Variants in XXYLT1 observed in about 807,000 individuals in gnomAD.
XXYLT1 encodes the protein UDP-xylose:alpha-xyloside alpha-1,3-xylosyltransferase.
A neutral mutation model predicts 28.9 loss-of-function variants in XXYLT1; 20 were observed. The ratio of observed to expected loss-of-function variants is 0.69; its 90% CI spans 0.49 to 1.00. XXYLT1 has a LOEUF of 1.00. XXYLT1 is among the 50% of genes least tolerant of loss of function. The pLI is 0.00. For missense variants in XXYLT1, 542 were observed against 560.1 expected (o/e 0.97, Z 0.33); for synonymous variants, 257 against 253.8 (o/e 1.01, Z -0.12).
intron 3 of XXYLT1, among the ~76,000 whole-genome samples, chr3:195,153,519 G>A (rs1405642219): frequency 3.3e-5 from 5 of 152,160 alleles, no homozygotes; most frequent in Non-Finnish European, 4.4e-5. Context: ...CCCTGCAAAC[G>A]CCATTCTTCA....
intron 2 of XXYLT1, among the ~76,000 whole-genome samples, chr3:195,205,730 G>A (rs902036784): frequency 3.3e-5 from 5 of 152,170 alleles, no homozygotes; most frequent in African/African-American, 4.8e-5. Context: ...AAATGTGGTG[G>A]CAGGCGACTG....
intron 2 of XXYLT1, among the ~76,000 whole-genome samples, chr3:195,159,605 AAAGGTGTAGCTTT>A (rs1484842155): frequency 6.6e-6 from 1 of 152,194 alleles, no homozygotes; most frequent in Admixed American, 6.5e-5. Context: ...AGTACAAGCT[AAAGGTGTAGCTTT>A]CAACACCTCC....
intron 1 of XXYLT1, chr3:195,259,749 T>C (rs981437083): frequency 2.3e-6 from 2 of 882,320 alleles, no homozygotes; most frequent in African/African-American, 1.8e-5. Context: ...CTCGGGTCTT[T>C]TGCCAAATTC....
chr3:195,256,519 G>C lies in XXYLT1; in HGVS notation c.504+14036C>G. On this transcript the variant is annotated intron_variant, in intron 1 of 3. Coordinates refer to ENST00000310380, the MANE Select transcript of XXYLT1 (RefSeq NM_152531.5). The surrounding 1 kb of genome is among the most constrained non-coding windows in gnomAD (Gnocchi z 4.2). ...GGAAGCCTCACCTAGGGTCATTCCA[G>C]GGATTATCCCAGAAAGAGGGGAAGA... The C allele has an allele frequency of 1.0e-6, 1 of 985,386 alleles. No individual in the cohort carries two copies. Among genetic ancestry groups the C allele is most frequent in the East Asian group, 1.1e-4 (1 of 8,806 alleles). 61.0% of individuals were successfully genotyped at this position (985,386 alleles called of 1,614,324 possible).
chr3:195,088,510 C>T (rs1453046030), intron 3 of XXYLT1, among the ~76,000 whole-genome samples: 5 of 133,372 alleles, frequency 3.7e-5, no homozygotes, highest in East Asian at 2.4e-4. Flanking sequence ...GACATCCACA[C>T]CAAAAACCCA....
intron 2 of XXYLT1, among the ~76,000 whole-genome samples, chr3:195,199,000 A>C (rs969453082): frequency 1.3e-5 from 2 of 152,222 alleles, no homozygotes; most frequent in African/African-American, 4.8e-5. Context: ...AAACCTCTAT[A>C]ATAATCAGCT....
chr3:195,083,042 T>A (rs938195727), intron 3 of XXYLT1, among the ~76,000 whole-genome samples: 10 of 151,748 alleles, frequency 6.6e-5, no homozygotes, highest in Non-Finnish European at 1.5e-4. Context: ...AGCCCCTGAC[T>A]CTGTGACAAC....
intron 1 of XXYLT1, among the ~76,000 whole-genome samples, chr3:195,269,444 A>G (rs1252407067): frequency 6.6e-6 from 1 of 152,228 alleles, no homozygotes; most frequent in African/African-American, 2.4e-5. Flanking sequence ...CTGTGGGCAG[A>G]CAGTACAGCA....
chr3:195,099,102 CA>C lies in XXYLT1; in HGVS notation c.786-28992del, dbSNP rs561271212. Among the ~76,000 whole-genome samples, 624 of 152,244 alleles carry C rather than the reference CA, an allele frequency of 4.1e-3. 4 individuals carry two copies. Among genetic ancestry groups the C allele is most frequent in the Non-Finnish European group, 6.3e-3 (427 of 68,016 alleles). The stretch of plus-strand genomic sequence containing the variant: ...ACGGTGTAATTAACGTGGAATGTAC[CA>C]GGGGAACCGAGGACATGGCAGACAG... On this transcript the variant is annotated intron_variant, in intron 3 of 3. Transcript: ENST00000310380.
chr3:195,151,525 G>C (rs1720250600), intron 3 of XXYLT1, among the ~76,000 whole-genome samples: 1 of 151,454 alleles, frequency 6.6e-6, no homozygotes. Context: ...GAGAGACTCT[G>C]TCTTTAAAAA....
chr3:195,163,057 T>C (rs1156679244), intron 2 of XXYLT1, among the ~76,000 whole-genome samples: 2 of 152,216 alleles, frequency 1.3e-5, no homozygotes, highest in Admixed American at 6.5e-5. Context: ...ATCTGGACTC[T>C]GTTCACAACA....
chr3:195,197,924 C>T (rs1426026229), intron 2 of XXYLT1, among the ~76,000 whole-genome samples: 7 of 152,254 alleles, frequency 4.6e-5, no homozygotes, highest in Admixed American at 3.9e-4. Flanking sequence ...GCTCTACTGG[C>T]CTCACCCACC....
intron 2 of XXYLT1, among the ~76,000 whole-genome samples, chr3:195,162,316 G>A (rs1012863512): frequency 2.6e-5 from 4 of 152,090 alleles, no homozygotes; most frequent in African/African-American, 9.7e-5. Flanking sequence ...CAGACAGGAA[G>A]GCCTTGACTC....
chr3:195,140,236 G>A (rs184311993), intron 3 of XXYLT1, among the ~76,000 whole-genome samples: 1 of 152,296 alleles, frequency 6.6e-6, no homozygotes, highest in East Asian at 1.9e-4. Flanking sequence ...ATGGAATTAT[G>A]GCCAAATCCC....
chr3:195,164,976 T>G (rs1721045128), intron 2 of XXYLT1, among the ~76,000 whole-genome samples: 1 of 151,164 alleles, frequency 6.6e-6, no homozygotes, highest in African/African-American at 2.4e-5. Flanking sequence ...AAGGGGAGAG[T>G]CTGTATTTCC....
chr3:195,142,366 T>C (rs1437303690), intron 3 of XXYLT1, among the ~76,000 whole-genome samples: 2 of 152,248 alleles, frequency 1.3e-5, no homozygotes, highest in Non-Finnish European at 2.9e-5. Flanking sequence ...CAGGGTCTCA[T>C]TCAGACTGCT....
At chr3:195,216,478 A>G (rs1410036362) in intron 2 of XXYLT1, among the ~76,000 whole-genome samples, 1 of 150,644 alleles carries the variant, frequency 6.6e-6, no homozygotes, top group Non-Finnish European at 1.5e-5. Flanking sequence ...GATAAAGGGG[A>G]TATCACCACC....
Position 195,127,051 on chromosome 3 carries a change from G to A in XXYLT1, c.785+29398C>T, listed in dbSNP as rs541580598. 4.6e-5 allele frequency among the ~76,000 whole-genome samples: 7 copies of A among 152,308 alleles called. No individual in the cohort carries two copies. In the East Asian group the frequency reaches 1.4e-3, roughly 29 times the overall value. The stretch of plus-strand genomic sequence containing the variant: ...CTGTGGATTTTCAGAGCCAGGCTAA[G>A]AAAATGAAAGAAGTCTTCAGGGGTA... On this transcript the variant is annotated intron_variant, in intron 3 of 3. Coordinates refer to ENST00000310380, the MANE Select transcript of XXYLT1 (RefSeq NM_152531.5).
intron 3 of XXYLT1, among the ~76,000 whole-genome samples, chr3:195,101,969 GGGGGAGGGAGGGATGC>G (rs1716806829): frequency 1.5e-4 from 2 of 13,786 alleles, no homozygotes; most frequent in Non-Finnish European, 3.9e-4. Flanking sequence ...GGGAGGGGAC[GGGGGAGGGAGGGATGC>G]GGGGAGGGAG....
Sources: allele counts gnomAD v4.1 joint callset (sites outside exome capture counted in the v4.1 genomes callset), GRCh38; gene constraint gnomAD v4.1.1; non-coding constraint Gnocchi (gnomAD v3.1); transcripts MANE v1.5; gene names NCBI Gene and HGNC (gene_info 2026-07-23, HGNC 2026-07-21).